SGCZ: variants seen among roughly 807,000 people sequenced by gnomAD.
The protein encoded by SGCZ is zeta-sarcoglycan.
Under a neutral mutation model 41.3 loss-of-function variants are expected in SGCZ, and 40 were observed. The observed-to-expected ratio is 0.97, with a 90% CI of 0.75 to 1.26. The LOEUF is 1.26. SGCZ is among the 50% of genes most tolerant of loss of function. The pLI, the probability that SGCZ is intolerant of heterozygous loss-of-function variation, is 0.00. For missense variants in SGCZ, 552 were observed against 369.8 expected (o/e 1.49, Z -4.04); for synonymous variants, 206 against 137.5 (o/e 1.50, Z -3.49).
chr8:14,443,590 G>A (rs1365493199), intron 2 of SGCZ, among the ~76,000 whole-genome samples: 1 of 152,234 alleles, frequency 6.6e-6, no homozygotes, highest in East Asian at 1.9e-4. Flanking sequence ...AATGGTGCTG[G>A]GAAAACTGGC....
At chr8:14,115,307 T>C (rs1008296468) in intron 5 of SGCZ, among the ~76,000 whole-genome samples, 3 of 151,994 alleles carry the variant, frequency 2.0e-5, no homozygotes, top group African/African-American at 7.2e-5. Context: ...GGTATGCACT[T>C]TTTAAAAGGC....
intron 1 of SGCZ, among the ~76,000 whole-genome samples, chr8:14,829,196 C>CTCTGATAGGCCCCAGTGCATATTGTTG (rs535323540): frequency 7.8e-6 from 1 of 128,492 alleles, no homozygotes; most frequent in African/African-American, 3.6e-5. Flanking sequence ...CCTGCTTCCA[C>CTCTGATAGGCCCCAGTGCATATTGTTG]CCCAACACTC....
intron 1 of SGCZ, among the ~76,000 whole-genome samples, chr8:14,622,567 T>C (rs1806321649): frequency 1.3e-5 from 2 of 152,240 alleles, no homozygotes; most frequent in African/African-American, 2.4e-5. Flanking sequence ...TTTCATCTTC[T>C]TTTATTCTTG....
intron 1 of SGCZ, among the ~76,000 whole-genome samples, chr8:14,809,142 AGTGGG>A: frequency 6.6e-6 from 1 of 152,238 alleles, no homozygotes; most frequent in Middle Eastern, 3.4e-3. Flanking sequence ...ATGACAAGTT[AGTGGG>A]TGTAGCACAC....
chr8:14,550,044 C>G (rs1006233446), intron 2 of SGCZ, among the ~76,000 whole-genome samples: 1 of 151,920 alleles, frequency 6.6e-6, no homozygotes, highest in African/African-American at 2.4e-5. Context: ...ACGCTAGAAC[C>G]TAGAGAAACT....
chr8:14,601,283 T>C (rs1805581735), intron 1 of SGCZ, among the ~76,000 whole-genome samples: 1 of 152,096 alleles, frequency 6.6e-6, no homozygotes, highest in African/African-American at 2.4e-5. Context: ...TCTTTCCTAG[T>C]ATAAAAAGTG....
At chr8:14,764,857 A>T (rs982369870) in intron 1 of SGCZ, among the ~76,000 whole-genome samples, 2 of 152,216 alleles carry the variant, frequency 1.3e-5, no homozygotes, top group Non-Finnish European at 2.9e-5. Flanking sequence ...TTTTCTTAAG[A>T]AATACACATT....
At chr8:14,766,616 C>A (rs1252055857) in intron 1 of SGCZ, among the ~76,000 whole-genome samples, 1 of 151,820 alleles carries the variant, frequency 6.6e-6, no homozygotes, top group East Asian at 1.9e-4. Context: ...GGCTGGAGTG[C>A]AGTACTGCGA....
At chr8:14,229,961 T>C (rs75501055) in intron 4 of SGCZ, among the ~76,000 whole-genome samples, 3,986 of 152,196 alleles carry the variant, frequency 0.026, 189 homozygotes, top group African/African-American at 0.09. Context: ...AATAAAACTT[T>C]TTATATGCCA....
chr8:15,103,987 T>G (rs1806717173), intron 1 of SGCZ, among the ~76,000 whole-genome samples: 1 of 152,222 alleles, frequency 6.6e-6, no homozygotes, highest in South Asian at 2.1e-4. Context: ...GACCGTACGC[T>G]GGATAAGGGA....
At chr8:14,294,969 T>C (rs895816038) in intron 3 of SGCZ, among the ~76,000 whole-genome samples, 2 of 152,276 alleles carry the variant, frequency 1.3e-5, no homozygotes, top group East Asian at 3.9e-4. Context: ...TTTATTGCAA[T>C]ATGGCAATCA....
chr8:14,101,717 A>G (rs1802027159), intron 7 of SGCZ, among the ~76,000 whole-genome samples: 1 of 152,060 alleles, frequency 6.6e-6, no homozygotes, highest in Non-Finnish European at 1.5e-5. Flanking sequence ...TTTCTATGGA[A>G]ACAAACAACC....
At chr8:14,190,804 G>C (rs1805077346) in intron 4 of SGCZ, among the ~76,000 whole-genome samples, 1 of 151,890 alleles carries the variant, frequency 6.6e-6, no homozygotes, top group African/African-American at 2.4e-5. Flanking sequence ...GCGTTTCACT[G>C]TGTTAGCCAG....
chr8:14,404,783 G>C (rs983292273), intron 2 of SGCZ, among the ~76,000 whole-genome samples: 1 of 152,132 alleles, frequency 6.6e-6, no homozygotes, highest in Non-Finnish European at 1.5e-5. Flanking sequence ...ATCTCAAGGT[G>C]CTGAAACCTG....
At chr8:14,339,588 T>A (rs377706018) in intron 2 of SGCZ, among the ~76,000 whole-genome samples, 1 of 152,184 alleles carries the variant, frequency 6.6e-6, no homozygotes, top group Non-Finnish European at 1.5e-5. Flanking sequence ...TAGGCTTGCA[T>A]GGTTTATTTG....
Position 14,519,339 on chromosome 8 carries a change from T to C in SGCZ, c.234+35393A>G, listed in dbSNP as rs188377620. On this transcript the variant is annotated intron_variant, in intron 2 of 7. Coordinates refer to ENST00000382080, the MANE Select transcript of SGCZ (RefSeq NM_139167.4). ...AGCAGAAGTGATAAAATACATGCCA[T>C]ACCAGCAACTAAAATAAAACTTTGT... 7.9e-5 allele frequency among the ~76,000 whole-genome samples: 12 copies of C among 152,116 alleles called. No individual in the cohort carries two copies. In the East Asian group the frequency reaches 1.9e-3, roughly 25 times the overall value.
chr8:15,167,017 GT>G (rs150936064), intron 1 of SGCZ, among the ~76,000 whole-genome samples: 2 of 150,072 alleles, frequency 1.3e-5, no homozygotes, highest in Non-Finnish European at 3.0e-5. Flanking sequence ...TTCTTGTTTT[GT>G]TTTTTTTTCA....
At chr8:14,558,526 G>A (rs541216890) in intron 1 of SGCZ, among the ~76,000 whole-genome samples, 4 of 150,610 alleles carry the variant, frequency 2.7e-5, no homozygotes, top group South Asian at 4.3e-4. Context: ...AGTGAGCAGA[G>A]ATGGTGCCAC....
chr8:14,100,066 T>C (rs1378627519), intron 7 of SGCZ, among the ~76,000 whole-genome samples: 1 of 151,662 alleles, frequency 6.6e-6, no homozygotes, highest in East Asian at 1.9e-4. Context: ...ATGATAAATC[T>C]GTGGTACAGT....
Sources: allele counts gnomAD v4.1 joint callset (sites outside exome capture counted in the v4.1 genomes callset), GRCh38; gene constraint gnomAD v4.1.1; transcripts MANE v1.5; gene names NCBI Gene and HGNC (gene_info 2026-07-23, HGNC 2026-07-21).